Variants in TXNL4A observed in about 807,000 individuals in gnomAD.
TXNL4A encodes thioredoxin-like protein 4A.
In TXNL4A, 17 loss-of-function variants were observed where a neutral mutation model predicts 14.6. The ratio of observed to expected loss-of-function variants is 1.16; its 90% CI spans 0.80 to 1.74. The LOEUF is 1.74. Among genes scored for constraint, TXNL4A ranks in the 40% most tolerant of loss-of-function variants. The pLI is 0.00. For synonymous variants in TXNL4A, 83 were observed against 70.6 expected (o/e 1.18, Z -0.88); for missense variants, 74 against 195.2 (o/e 0.38, Z 3.70).
At chr18:79,994,258 G>A (rs1217841599) in intron 1 of TXNL4A, among the ~76,000 whole-genome samples, 3 of 152,158 alleles carry the variant, frequency 2.0e-5, no homozygotes, top group Non-Finnish European at 2.9e-5. Flanking sequence ...TAGTGTACCC[G>A]CGAACCAGAA....
Position 79,973,511 on chromosome 18 carries a change from G to A in TXNL4A, c.*174C>T, listed in dbSNP as rs926301489. The A allele has an allele frequency of 4.4e-6, 3 of 684,052 alleles. No homozygotes were observed. The highest frequency in any genetic ancestry group is 2.8e-5 in the South Asian group (1 of 35,818). The allele number at this position is 684,052 out of a possible 1,614,324, so 42.4% of individuals were successfully genotyped here. A position where few individuals can be genotyped will look rare whatever the true frequency, so the allele number is the denominator to read the frequency against. Reference sequence around the variant, plus strand: ...TTCCTGAGAACAAACAAGTAGGCCTGCTCCTCTCACCACGTGCTTGTTTAT... The same window carrying A: ...TTCCTGAGAACAAACAAGTAGGCCTACTCCTCTCACCACGTGCTTGTTTAT... On this transcript the variant is annotated 3_prime_UTR_variant, in exon 3 of 3. Coordinates refer to ENST00000269601, the MANE Select transcript of TXNL4A (RefSeq NM_006701.5).
At chr18:80,026,495 A>T (rs1313639192) in intron 1 of TXNL4A, among the ~76,000 whole-genome samples, 1 of 152,168 alleles carries the variant, frequency 6.6e-6, no homozygotes, top group Admixed American at 6.5e-5. Context: ...GACAAAAAAA[A>T]CTGAGGGAGA....
rs1463494052 is a variant in TXNL4A at position 79,988,267 on chromosome 18, G to A, written c.126C>T (p.Asp42=). 1.9e-6 allele frequency: 3 copies of A among 1,600,152 alleles called. No individual in the cohort carries two copies. The highest frequency in any genetic ancestry group is 2.6e-6 in the Non-Finnish European group (3 of 1,170,300). Residue 42 remains aspartate (D), a synonymous_variant, in exon 1 of 3, where the codon GAC becomes GAT. Transcript: ENST00000269601. ...TCTCGGCGATGCTGTACAGGACCTC[G>A]TCCATCTTCATGCACGTAGGATCCC... ...HDWDPTCMKM[D]EVLYSIAEKV... is the part of the protein sequence containing the mutation.
In TXNL4A at chr18:79,973,487, T is replaced by A; in HGVS notation, c.*198A>T. On this transcript the variant is annotated 3_prime_UTR_variant, in exon 3 of 3. Transcript: ENST00000269601. ...AAATCAGTAATCTATTCATTAAGTT[T>A]CCTGAGAACAAACAAGTAGGCCTGC... is the stretch of plus-strand genomic sequence containing the variant. The A allele has an allele frequency of 1.9e-6, 1 of 539,798 alleles. No individual in the cohort carries two copies. Among genetic ancestry groups the A allele is most frequent in the South Asian group, 4.0e-5 (1 of 24,826 alleles). The allele number at this position is 539,798 out of a possible 1,614,324, so 33.4% of individuals were successfully genotyped here. A position where few individuals can be genotyped will look rare whatever the true frequency, so the allele number is the denominator to read the frequency against.
intron 1 of TXNL4A, among the ~76,000 whole-genome samples, chr18:79,994,526 C>G (rs1017954345): frequency 1.4e-5 from 2 of 147,686 alleles, no homozygotes; most frequent in African/African-American, 2.5e-5. Flanking sequence ...CGTTTTATCT[C>G]TCTTAAAGCA....
chr18:79,999,589 T>TA (rs2051686178), intron 1 of TXNL4A, among the ~76,000 whole-genome samples: 1 of 122,608 alleles, frequency 8.2e-6, no homozygotes, highest in Non-Finnish European at 1.8e-5. Flanking sequence ...TTCACAACCA[T>TA]AAAAATCCCA....
chr18:80,021,413 G>A (rs1208759101), intron 1 of TXNL4A, among the ~76,000 whole-genome samples: 3 of 152,068 alleles, frequency 2.0e-5, no homozygotes, highest in South Asian at 2.1e-4. Context: ...TCCTGACCTC[G>A]TGATCTGCCC....
At chr18:79,977,289 G>A (rs771672566) in intron 2 of TXNL4A, 8 of 427,842 alleles carry the variant, frequency 1.9e-5, no homozygotes, top group Non-Finnish European at 2.5e-5. Context: ...CATTTTTGAT[G>A]AACAGATTAT....
chr18:79,985,906 T>C (rs1241343909), intron 1 of TXNL4A: 1 of 152,252 alleles, frequency 6.6e-6, no homozygotes, highest in Non-Finnish European at 1.5e-5. Flanking sequence ...TTGTTCTTTA[T>C]ACTAAAACCT....
chr18:80,022,312 T>C (rs2051855279), intron 1 of TXNL4A, among the ~76,000 whole-genome samples: 1 of 152,142 alleles, frequency 6.6e-6, no homozygotes, highest in Non-Finnish European at 1.5e-5. Context: ...CCAAGGGTTT[T>C]TTTCTTGACT....
At position 79,973,829 on chromosome 18, in the gene TXNL4A, C is replaced by G. The variant is rs769071725; in HGVS notation, c.285G>C (p.Gly95=). ...FRNKHIMIDL[G]TGNNNKINWA... ...AGTTAATCTTGTTGTTGTTGCCAGT[C>G]CCCAAGTCAATCATGATGTGCTTGT... Residue 95 remains glycine, a synonymous_variant, in exon 3 of 3, where the codon GGG becomes GGC. Transcript: ENST00000269601. 5 of 1,614,096 alleles carry G rather than the reference C, an allele frequency of 3.1e-6. No individual in the cohort carries two copies. The South Asian group carries it at 5.5e-5, about 18-fold the overall frequency.
chr18:80,025,450 G>C (rs142346468), intron 1 of TXNL4A, among the ~76,000 whole-genome samples: 32 of 152,228 alleles, frequency 2.1e-4, no homozygotes, highest in African/African-American at 7.5e-4. Context: ...GGCAGGAATC[G>C]GACTTCAAAG....
intron 1 of TXNL4A, among the ~76,000 whole-genome samples, chr18:80,006,437 C>T (rs1044914513): frequency 5.9e-5 from 9 of 151,998 alleles, no homozygotes; most frequent in South Asian, 2.1e-4. Flanking sequence ...TGCAGTGGGG[C>T]GCCTCAGAGA....
chr18:80,023,578 A>C (rs1056667499), intron 1 of TXNL4A, among the ~76,000 whole-genome samples: 37 of 152,182 alleles, frequency 2.4e-4, no homozygotes, highest in Admixed American at 2.1e-3. Context: ...AAATTTATTG[A>C]ACAATGCTGA....
chr18:79,988,838 C>T (rs1408386185), upstream of TXNL4A, among the ~76,000 whole-genome samples: 5 of 152,022 alleles, frequency 3.3e-5, no homozygotes, highest in African/African-American at 1.2e-4. Context: ...CCCGCCGCCG[C>T]CCGGGCTGTC....
upstream of TXNL4A, among the ~76,000 whole-genome samples, chr18:79,991,788 A>C (rs1176329082): frequency 6.6e-6 from 1 of 152,370 alleles, no homozygotes; most frequent in East Asian, 1.9e-4. Flanking sequence ...CGTGAACCCC[A>C]AAAATCTGAG....
chr18:79,996,563 A>G (rs1020339094), intron 1 of TXNL4A, among the ~76,000 whole-genome samples: 1 of 152,150 alleles, frequency 6.6e-6, no homozygotes, highest in African/African-American at 2.4e-5. Context: ...TGATCTCGTC[A>G]ACATCCATAA....
intron 1 of TXNL4A, among the ~76,000 whole-genome samples, chr18:80,000,525 G>C (rs2051691824): frequency 6.6e-6 from 1 of 152,138 alleles, no homozygotes. Flanking sequence ...TTTTTGAAGG[G>C]AAACAGCATA....
chr18:79,985,224 G>A (rs118065781), intron 1 of TXNL4A, among the ~76,000 whole-genome samples: 1,796 of 152,156 alleles, frequency 0.012, 16 homozygotes, highest in Non-Finnish European at 0.019. Flanking sequence ...AAATTGTCTC[G>A]CTTCAAAACT....
Sources: gnomAD v4.1 joint callset for allele counts (sites outside exome capture counted in the v4.1 genomes callset) on GRCh38, gnomAD v4.1.1 for gene constraint, MANE v1.5 for transcripts, NCBI Gene and HGNC (gene_info 2026-07-23, HGNC 2026-07-21) for gene names.